RABGAP1L: variants seen among roughly 807,000 people sequenced by gnomAD.
RABGAP1L encodes the protein rab GTPase-activating protein 1-like.
In RABGAP1L, 63 loss-of-function variants were observed where a neutral mutation model predicts 137.7. The observed-to-expected ratio is 0.46, with a 90% CI of 0.37 to 0.56. RABGAP1L has a LOEUF of 0.56. Ranked by LOEUF, RABGAP1L falls within the 20% of genes least tolerant of loss-of-function variation. The pLI, the probability that RABGAP1L is intolerant of heterozygous loss-of-function variation, is 0.00. For synonymous variants in RABGAP1L, 431 were observed against 433.7 expected (o/e 0.99, Z 0.08); for missense variants, 1,095 against 1,244.0 (o/e 0.88, Z 1.80).
chr1:174,609,667 T>A (rs964507886), intron 13 of RABGAP1L, among the ~76,000 whole-genome samples: 12 of 152,170 alleles, frequency 7.9e-5, no homozygotes, highest in African/African-American at 2.9e-4. Context: ...TGTGAAAAAG[T>A]TAACATGTAA....
chr1:174,540,055 AT>A (rs1393429268), intron 13 of RABGAP1L, among the ~76,000 whole-genome samples: 3 of 152,150 alleles, frequency 2.0e-5, no homozygotes, highest in African/African-American at 7.2e-5. Context: ...GATGATAAGC[AT>A]TTTTTCATGT....
At chr1:174,483,810 A>G (rs1659363117) in intron 13 of RABGAP1L, among the ~76,000 whole-genome samples, 2 of 148,964 alleles carry the variant, frequency 1.3e-5, no homozygotes, top group Non-Finnish European at 3.0e-5. Flanking sequence ...CTGAGTGACA[A>G]CTCCATCTCA....
intron 3 of RABGAP1L, among the ~76,000 whole-genome samples, chr1:174,224,553 A>G (rs1670015501): frequency 1.3e-5 from 2 of 152,316 alleles, no homozygotes; most frequent in Middle Eastern, 3.4e-3. Flanking sequence ...TTCATCTTTC[A>G]AGTAATTGGT....
intron 13 of RABGAP1L, among the ~76,000 whole-genome samples, chr1:174,589,917 G>C (rs560611716): frequency 6.6e-6 from 1 of 152,142 alleles, no homozygotes; most frequent in South Asian, 2.1e-4. Flanking sequence ...TGTTCTTTTT[G>C]TTTAGGATGG....
intron 18 of RABGAP1L, among the ~76,000 whole-genome samples, chr1:174,791,893 G>T (rs1687884451): frequency 6.6e-6 from 1 of 152,218 alleles, no homozygotes; most frequent in Admixed American, 6.5e-5. Context: ...TCTCAGGGCA[G>T]ACTTGTGGAT....
chr1:174,937,452 T>C (rs1432547009), intron 19 of RABGAP1L, among the ~76,000 whole-genome samples: 2 of 139,796 alleles, frequency 1.4e-5, no homozygotes, highest in South Asian at 4.6e-4. Flanking sequence ...ACCCCGCTGA[T>C]TTTTTTCATT....
intron 13 of RABGAP1L, among the ~76,000 whole-genome samples, chr1:174,447,906 C>T (rs567064175): frequency 7.5e-6 from 1 of 132,514 alleles, no homozygotes; most frequent in East Asian, 2.8e-4. Flanking sequence ...CCCCCACCCC[C>T]CCGCCCGAAA....
intron 17 of RABGAP1L, among the ~76,000 whole-genome samples, chr1:174,703,635 T>A (rs1053968376): frequency 6.6e-6 from 1 of 152,216 alleles, no homozygotes; most frequent in African/African-American, 2.4e-5. Flanking sequence ...GAATGGTAGT[T>A]CTATTTTTAA....
chr1:174,353,226 G>A lies in RABGAP1L; in HGVS notation c.1466-17753G>A, dbSNP rs557029824. ...CGAGGGCCTGGAATGGGGGCTTCAG[G>A]ACTCTGCTTGGTGCTTTATTTTACT... On this transcript the variant is annotated intron_variant, in intron 11 of 25. Coordinates refer to ENST00000681986, the MANE Select transcript of RABGAP1L (RefSeq NM_001366446.1). 2.6e-5 allele frequency among the ~76,000 whole-genome samples: 4 copies of A among 152,250 alleles called. No individual in the cohort carries two copies. The East Asian group carries it at 5.8e-4, about 22-fold the overall frequency.
intron 19 of RABGAP1L, among the ~76,000 whole-genome samples, chr1:174,847,588 G>T (rs1477791847): frequency 2.9e-5 from 4 of 138,546 alleles, no homozygotes; most frequent in African/African-American, 5.4e-5. Context: ...GGTTTCTGCC[G>T]AGAGATCTGC....
chr1:174,920,802 C>T (rs1362130311), intron 19 of RABGAP1L, among the ~76,000 whole-genome samples: 3 of 152,122 alleles, frequency 2.0e-5, no homozygotes, highest in Non-Finnish European at 2.9e-5. Context: ...CATCTACAAG[C>T]CACGAATTGA....
At chr1:174,807,620 C>G (rs1689439936) in intron 18 of RABGAP1L, among the ~76,000 whole-genome samples, 1 of 152,148 alleles carries the variant, frequency 6.6e-6, no homozygotes, top group South Asian at 2.1e-4. Context: ...GGAAAAAACC[C>G]ATCAGAATCA....
At chr1:174,343,435 G>T (rs1392584818) in intron 11 of RABGAP1L, among the ~76,000 whole-genome samples, 1 of 152,042 alleles carries the variant, frequency 6.6e-6, no homozygotes, top group Non-Finnish European at 1.5e-5. Flanking sequence ...TCATAAATTT[G>T]CCAACAGTAG....
At chr1:174,801,036 T>G (rs1195828512) in intron 18 of RABGAP1L, among the ~76,000 whole-genome samples, 2 of 152,228 alleles carry the variant, frequency 1.3e-5, no homozygotes, top group Non-Finnish European at 2.9e-5. Flanking sequence ...TGTTTATCTG[T>G]GAAACAGCTT....
chr1:174,925,108 G>A (rs1375284543), intron 19 of RABGAP1L, among the ~76,000 whole-genome samples: 1 of 152,138 alleles, frequency 6.6e-6, no homozygotes, highest in Non-Finnish European at 1.5e-5. Flanking sequence ...GCTCATGCCT[G>A]TAATCCCAGC....
intron 15 of RABGAP1L, among the ~76,000 whole-genome samples, chr1:174,689,070 C>T (rs1678680713): frequency 6.6e-6 from 1 of 152,044 alleles, no homozygotes; most frequent in Non-Finnish European, 1.5e-5. Context: ...ATAGTGGTTA[C>T]ATGCATCCTT....
intron 1 of RABGAP1L, among the ~76,000 whole-genome samples, chr1:174,163,186 G>T (rs1281019855): frequency 1.3e-5 from 2 of 152,094 alleles, no homozygotes; most frequent in African/African-American, 2.4e-5. Context: ...TATAGAGAAA[G>T]ACATTGTTTG....
rs59243192 is a variant in RABGAP1L at position 174,662,121 on chromosome 1, T to TTTTTTTTTTTTTTG, written c.1825-21401_1825-21400insTTTTTTTTTTTTTG. 3.7e-5 allele frequency among the ~76,000 whole-genome samples: 5 copies of TTTTTTTTTTTTTTG among 135,234 alleles called. 1 individual carries two copies. The highest frequency in any genetic ancestry group is 6.0e-5 in the African/African-American group (2 of 33,426). The allele number at this position is 135,234 out of a possible 152,430, so 88.7% of individuals were successfully genotyped here. ...TCTTTTCTTTTTTTTTTTTTTTTTT[T>TTTTTTTTTTTTTTG]GAGTTGGAGTCTGGCTCTGTCGCCC... On this transcript the variant is annotated intron_variant, in intron 14 of 25. Coordinates refer to ENST00000681986, the MANE Select transcript of RABGAP1L (RefSeq NM_001366446.1).
At chr1:174,522,145 A>T (rs544701444) in intron 13 of RABGAP1L, among the ~76,000 whole-genome samples, 13 of 152,210 alleles carry the variant, frequency 8.5e-5, no homozygotes, top group African/African-American at 2.6e-4. Flanking sequence ...GCCGTCATAC[A>T]GTAAAGCCTC....
Sources: allele counts gnomAD v4.1 joint callset (sites outside exome capture counted in the v4.1 genomes callset), GRCh38; gene constraint gnomAD v4.1.1; transcripts MANE v1.5; gene names NCBI Gene and HGNC (gene_info 2026-07-23, HGNC 2026-07-21).